CNN1: variants seen among roughly 807,000 people sequenced by gnomAD.
The protein encoded by CNN1 is calponin 1, also known as calponin-1.
Under a neutral mutation model 35.3 loss-of-function variants are expected in CNN1, and 21 were observed. The observed-to-expected ratio is 0.60, with a 90% CI of 0.42 to 0.86. The LOEUF (loss-of-function observed/expected upper bound fraction) is 0.86. Ranked by LOEUF, CNN1 falls within the 40% of genes least tolerant of loss-of-function variation. CNN1 has a pLI of 0.00. For synonymous variants in CNN1, 164 were observed against 161.8 expected, an observed-to-expected ratio of 1.01 and a Z score of -0.10; for missense variants, 314 against 400.8, an observed-to-expected ratio of 0.78 and a Z score of 1.85.
Position 11,547,972 on chromosome 19 carries a change from C to T in CNN1, c.501+65C>T, listed in dbSNP as rs1228372968. ...AGGAGGGCACCCTGATGTCTGAAGG[C>T]TTTTGGGGACAGGATATTTGGCATT... On this transcript the variant is annotated intron_variant, in intron 5 of 6. Coordinates refer to ENST00000252456, the MANE Select transcript of CNN1 (RefSeq NM_001299.6). 5 of 1,291,374 alleles carry T rather than the reference C, an allele frequency of 3.9e-6. No individual in the cohort carries two copies. In the African/African-American group the frequency reaches 7.4e-5, roughly 19 times the overall value. 80.0% of individuals were successfully genotyped at this position (1,291,374 alleles called of 1,614,324 possible).
At chr19:11,541,013 C>A (rs1403229678) in intron 1 of CNN1, 63 bp from the exon 2 acceptor site, 14 of 1,499,310 alleles carry the variant, frequency 9.3e-6, no homozygotes, top group Non-Finnish European at 1.2e-5. Flanking sequence ...CCCAGGGAGC[C>A]CAGGCTGCCC....
At chr19:11,539,258 C>G (rs1972406071) in intron 1 of CNN1, 1 of 1,237,904 alleles carries the variant, frequency 8.1e-7, no homozygotes. Flanking sequence ...GATCAGTCTT[C>G]TGTTAACCCT....
chr19:11,539,216 AG>A, intron 1 of CNN1: 1 of 1,266,930 alleles, frequency 7.9e-7, no homozygotes, highest in Non-Finnish European at 1.0e-6. Context: ...ACATAAACAG[AG>A]GGGGTCAGTC....
chr19:11,549,456 AAGG>A lies in CNN1; in HGVS notation c.638_640del (p.Gly213del), dbSNP rs910213779. Reference sequence around the variant, plus strand: ...ATCAGCCTGCAGATGGGCACCAACAAAGGAGCCAGCCAGGTGAGTGGGGGCCCC... The same window carrying A: ...ATCAGCCTGCAGATGGGCACCAACAAAGCCAGCCAGGTGAGTGGGGGCCCC... On this transcript the variant is annotated inframe_deletion, in exon 6 of 7. Coordinates refer to ENST00000252456, the MANE Select transcript of CNN1 (RefSeq NM_001299.6). This position sits in a 1 kb window ranked among gnomAD's most constrained non-coding sequence, Gnocchi z 5.2. 1.9e-6 allele frequency: 3 copies of A among 1,613,868 alleles called. No homozygotes were observed. Among genetic ancestry groups the A allele is most frequent in the Non-Finnish European group, 2.5e-6 (3 of 1,179,942 alleles).
intron 2 of CNN1, among the ~76,000 whole-genome samples, chr19:11,543,596 C>T (rs138405741): frequency 0.034 from 5,208 of 151,050 alleles, 125 homozygotes; most frequent in Admixed American, 0.069. Flanking sequence ...CTGGCTAACA[C>T]GGTGAAACCC....
Position 11,549,129 on chromosome 19 carries a change from A to G in CNN1, c.502-194A>G, listed in dbSNP as rs1972655155. Among the ~76,000 whole-genome samples the G allele has an allele frequency of 6.6e-6, 1 of 151,888 alleles. No individual in the cohort carries two copies. The highest frequency in any genetic ancestry group is 1.5e-5 in the Non-Finnish European group (1 of 67,990). On this transcript the variant is annotated intron_variant, in intron 5 of 6. Transcript: ENST00000252456. The surrounding 1 kb of genome is among the most constrained non-coding windows in gnomAD (Gnocchi z 5.2). ...CTTGAATGTGCAAGATGGAGATTTC[A>G]GTGAGCTGAGATCATGTCACTGCAC...
chr19:11,548,004 A>G, intron 5 of CNN1, 97 bp downstream of exon 5: 1 of 883,824 alleles, frequency 1.1e-6, no homozygotes, highest in Non-Finnish European at 1.7e-6. Context: ...CATTAACTAT[A>G]CTATAGGCCG....
Position 11,548,260 on chromosome 19 carries a change from C to T in CNN1, c.501+353C>T, listed in dbSNP as rs146549225. On this transcript the variant is annotated intron_variant, in intron 5 of 6. Transcript: ENST00000252456. ...TCCAGTCTCGAAAGGATGCCTCAGG[C>T]GGGGTGCAGTGGCTCACACCTGTAA... 1.6e-3 allele frequency among the ~76,000 whole-genome samples: 243 copies of T among 152,274 alleles called. 1 individual carries two copies. The highest frequency in any genetic ancestry group is 5.6e-3 in the African/African-American group (233 of 41,556).
chr19:11,550,209 G>C lies in CNN1; in HGVS notation c.*414G>C. ...ATGCCCAGAGACCCAGCGGACACAC[G>C]CGGTTTGGTTTGCAGCGACTGGCAT... On this transcript the variant is annotated 3_prime_UTR_variant, in exon 7 of 7. Coordinates refer to ENST00000252456, the MANE Select transcript of CNN1 (RefSeq NM_001299.6). 1 of 185,390 alleles carries C rather than the reference G, an allele frequency of 5.4e-6. No homozygotes were observed. The highest frequency in any genetic ancestry group is 1.8e-4 in the South Asian group (1 of 5,594). 11.5% of individuals were successfully genotyped at this position (185,390 alleles called of 1,614,324 possible).
intron 1 of CNN1, chr19:11,539,209 TA>T: frequency 7.9e-7 from 1 of 1,270,512 alleles, no homozygotes; most frequent in Non-Finnish European, 1.0e-6. Context: ...CAGCCACACA[TA>T]AACAGAGGGG....
chr19:11,539,515 G>A lies in CNN1; in HGVS notation c.63+525G>A, dbSNP rs1344618949. On this transcript the variant is annotated intron_variant, in intron 1 of 6. Coordinates refer to ENST00000252456, the MANE Select transcript of CNN1 (RefSeq NM_001299.6). Reference sequence around the variant, plus strand: ...GGACACCACCTTCATGCTATGGTTGGGTAAACTGAGGTTCGGAGAGGAGAG... The same window carrying A: ...GGACACCACCTTCATGCTATGGTTGAGTAAACTGAGGTTCGGAGAGGAGAG... 8 of 1,136,240 alleles carry A rather than the reference G, an allele frequency of 7.0e-6. No homozygotes were observed. In the East Asian group the frequency reaches 4.6e-4, roughly 66 times the overall value. 70.4% of individuals were successfully genotyped at this position (1,136,240 alleles called of 1,614,324 possible). A position where few individuals can be genotyped will look rare whatever the true frequency, so the allele number is the denominator to read the frequency against.
At chr19:11,544,809 A>T (rs976012168) in intron 2 of CNN1, among the ~76,000 whole-genome samples, 1 of 151,810 alleles carries the variant, frequency 6.6e-6, no homozygotes, top group East Asian at 1.9e-4. Context: ...AGTTCTACAG[A>T]GGGCATTTTA....
At chr19:11,543,514 C>G (rs1468481732) in intron 2 of CNN1, among the ~76,000 whole-genome samples, 2 of 148,672 alleles carry the variant, frequency 1.3e-5, no homozygotes, top group African/African-American at 4.9e-5. Context: ...GGCGCGGTGA[C>G]TCACGTCTGT....
At chr19:11,540,994 C>T (rs1045841931) in intron 1 of CNN1, 82 bp from the exon 2 acceptor site, 7 of 1,426,732 alleles carry the variant, frequency 4.9e-6, no homozygotes, top group African/African-American at 1.5e-5. Flanking sequence ...CTAGGAAGTT[C>T]AGACAGGACC....
At chr19:11,540,915 G>T (rs926960932) in intron 1 of CNN1, among the ~76,000 whole-genome samples, 161 bp from the exon 2 acceptor site, 2 of 152,054 alleles carry the variant, frequency 1.3e-5, no homozygotes, top group African/African-American at 4.8e-5. Flanking sequence ...GCCCGCCCCA[G>T]CCCCCATCCC....
rs1972404380 is a variant in CNN1, at chr19:11,539,181, C to G, written c.63+191C>G. On this transcript the variant is annotated intron_variant, in intron 1 of 6. Coordinates refer to ENST00000252456, the MANE Select transcript of CNN1 (RefSeq NM_001299.6). ...CCGGAGCCCCCAGCTATGGTTGGGGCTGGAATGGGGGGGCACACAGCCACA... is the reference window on the plus strand; with the variant it reads ...CCGGAGCCCCCAGCTATGGTTGGGGGTGGAATGGGGGGGCACACAGCCACA... 3.3e-6 allele frequency: 4 copies of G among 1,205,116 alleles called. No homozygotes were observed. In the South Asian group the frequency reaches 9.2e-5, roughly 28 times the overall value. 74.7% of individuals were successfully genotyped at this position (1,205,116 alleles called of 1,614,324 possible). A position where few individuals can be genotyped will look rare whatever the true frequency, so the allele number is the denominator to read the frequency against.
chr19:11,542,519 A>G (rs1599604371), intron 2 of CNN1, among the ~76,000 whole-genome samples: 1 of 148,994 alleles, frequency 6.7e-6, no homozygotes, highest in African/African-American at 2.5e-5. Context: ...TCGCCTCAAA[A>G]CCTCATTGCT....
At chr19:11,547,077 G>C (rs1347832650) in intron 4 of CNN1, 108 bp downstream of exon 4, 2 of 1,514,562 alleles carry the variant, frequency 1.3e-6, no homozygotes, top group East Asian at 2.3e-5. Context: ...GCGGGGGGCA[G>C]GGATCGGGGA....
At chr19:11,539,205 C>A in intron 1 of CNN1, 1 of 1,265,512 alleles carries the variant, frequency 7.9e-7, no homozygotes, top group Non-Finnish European at 1.0e-6. Context: ...CACACAGCCA[C>A]ACATAAACAG....
Sources: gnomAD v4.1 joint callset for allele counts (sites outside exome capture counted in the v4.1 genomes callset) on GRCh38, gnomAD v4.1.1 for gene constraint, Gnocchi (gnomAD v3.1) non-coding constraint, MANE v1.5 for transcripts, NCBI Gene and HGNC (gene_info 2026-07-23, HGNC 2026-07-21) for gene names.